Variants in SLC1A2 observed in about 807,000 individuals in gnomAD.
The protein encoded by SLC1A2 is excitatory amino acid transporter 2.
Under a neutral mutation model 48.8 loss-of-function variants are expected in SLC1A2, and 15 were observed. That is an observed-to-expected ratio of 0.31 (90% CI 0.21 to 0.47). The LOEUF (loss-of-function observed/expected upper bound fraction) is 0.47. Ranked by LOEUF, SLC1A2 falls within the 20% of genes least tolerant of loss-of-function variation. The pLI is 0.99. For missense variants in SLC1A2, 502 were observed against 730.5 expected (o/e 0.69, Z 3.61); for synonymous variants, 279 against 272.6 (o/e 1.02, Z -0.23).
At chr11:35,279,444 C>T (rs143622241) in intron 9 of SLC1A2, among the ~76,000 whole-genome samples, 3 of 152,332 alleles carry the variant, frequency 2.0e-5, no homozygotes, top group East Asian at 1.9e-4. Flanking sequence ...TGAGGATGTC[C>T]GTCTTGCTCA....
upstream of SLC1A2, chr11:35,419,767 G>A: frequency 3.6e-6 from 1 of 278,710 alleles, no homozygotes. The surrounding 1 kb of genome is among the most constrained non-coding windows in gnomAD (Gnocchi z 5.4). Context: ...TGAAGCCCGC[G>A]TGGCCCCAGG....
rs770148129 is a variant in SLC1A2 at position 35,274,159 on chromosome 11, C to T, written c.1421+6708G>A. Among the ~76,000 whole-genome samples, 108 of 152,342 alleles carry T rather than the reference C, an allele frequency of 7.1e-4. 2 individuals carry two copies. The highest frequency in any genetic ancestry group is 3.4e-3 in the Middle Eastern group (1 of 294). ...CAGTGAAATAACACTTGAGATTCAA[C>T]AGTCGATGAAGGGGAGACGACTTCT... On this transcript the variant is annotated intron_variant, in intron 9 of 10. Coordinates refer to ENST00000278379, the MANE Select transcript of SLC1A2 (RefSeq NM_004171.4).
At chr11:35,323,894 T>C (rs1478059313) in intron 1 of SLC1A2, among the ~76,000 whole-genome samples, 1 of 152,216 alleles carries the variant, frequency 6.6e-6, no homozygotes, top group African/African-American at 2.4e-5. Context: ...TCCTCATCCA[T>C]CCTTCACCCA....
At chr11:35,367,168 T>A (rs1227330213) in intron 1 of SLC1A2, among the ~76,000 whole-genome samples, 1 of 152,226 alleles carries the variant, frequency 6.6e-6, no homozygotes, top group African/African-American at 2.4e-5. Context: ...TTCTTTGTAA[T>A]GCATGGTGCT....
intron 1 of SLC1A2, among the ~76,000 whole-genome samples, chr11:35,383,230 A>T (rs1204360057): frequency 2.6e-5 from 4 of 152,230 alleles, no homozygotes; most frequent in Non-Finnish European, 5.9e-5. Context: ...TGTTAGTTTG[A>T]CACAAATTTA....
intron 1 of SLC1A2, among the ~76,000 whole-genome samples, chr11:35,411,179 C>T (rs1012176864): frequency 2.6e-5 from 4 of 152,146 alleles, no homozygotes; most frequent in African/African-American, 9.7e-5. Context: ...GTCTATAATT[C>T]CATTACTCTC....
At chr11:35,307,539 A>G (rs1196243001) in intron 4 of SLC1A2, among the ~76,000 whole-genome samples, 1 of 152,208 alleles carries the variant, frequency 6.6e-6, no homozygotes, top group Non-Finnish European at 1.5e-5. Context: ...TTAAAATAGA[A>G]CTCAATGCAG....
chr11:35,359,165 A>T (rs1338100876), intron 1 of SLC1A2, among the ~76,000 whole-genome samples: 2 of 152,202 alleles, frequency 1.3e-5, no homozygotes, highest in African/African-American at 4.8e-5. Context: ...CTATCACACA[A>T]CAGGGAAATG....
intron 9 of SLC1A2, among the ~76,000 whole-genome samples, chr11:35,271,984 G>A (rs1347837251): frequency 6.6e-6 from 1 of 152,186 alleles, no homozygotes; most frequent in East Asian, 1.9e-4. Context: ...GAGACATTAT[G>A]TATAATCAGC....
intron 8 of SLC1A2, among the ~76,000 whole-genome samples, chr11:35,282,924 T>A (rs1850688421): frequency 6.6e-6 from 1 of 152,118 alleles, no homozygotes; most frequent in African/African-American, 2.4e-5. Flanking sequence ...TCTTGGGCAG[T>A]GATTTTCCCT....
chr11:35,352,950 G>T (rs1331961133), intron 1 of SLC1A2, among the ~76,000 whole-genome samples: 1 of 152,142 alleles, frequency 6.6e-6, no homozygotes, highest in Non-Finnish European at 1.5e-5. Context: ...GACAACCAGA[G>T]ACCTCAATAT....
rs950852308 is a variant in SLC1A2, at chr11:35,419,221, G to A, written c.-255C>T. On this transcript the variant is annotated 5_prime_UTR_variant, in exon 1 of 11. Coordinates refer to ENST00000278379, the MANE Select transcript of SLC1A2 (RefSeq NM_004171.4). This position sits in a 1 kb window ranked among gnomAD's most constrained non-coding sequence, Gnocchi z 5.4. ...CCCTCCGCCCGCGGGGATGGCGCTT[G>A]GCGGGGAGCTCCGGGGGCTCCGAGG... The A allele has an allele frequency of 9.2e-6, 4 of 433,778 alleles. No individual in the cohort carries two copies. Among genetic ancestry groups the A allele is most frequent in the African/African-American group, 2.1e-5 (1 of 48,294 alleles). The allele number at this position is 433,778 out of a possible 1,614,324, so 26.9% of individuals were successfully genotyped here. A position where few individuals can be genotyped will look rare whatever the true frequency, so the allele number is the denominator to read the frequency against.
intron 4 of SLC1A2, among the ~76,000 whole-genome samples, chr11:35,308,882 T>C (rs1310401348): frequency 6.6e-6 from 1 of 152,170 alleles, no homozygotes; most frequent in Admixed American, 6.5e-5. Flanking sequence ...AGTCTATAGG[T>C]AAGTGTGGCT....
chr11:35,409,900 C>T, intron 1 of SLC1A2, among the ~76,000 whole-genome samples: 1 of 152,076 alleles, frequency 6.6e-6, no homozygotes, highest in Non-Finnish European at 1.5e-5. Context: ...CAGAGCAAGG[C>T]TCTGTCTCAA....
Position 35,252,308 on chromosome 11 carries a change from T to C in SLC1A2, c.*8586A>G, listed in dbSNP as rs1448603775. 6.6e-6 allele frequency: 1 copy of C among 152,482 alleles called. No individual in the cohort carries two copies. Among genetic ancestry groups the C allele is most frequent in the Non-Finnish European group, 1.5e-5 (1 of 68,038 alleles). The allele number at this position is 152,482 out of a possible 1,614,324, so 9.4% of individuals were successfully genotyped here. A position where few individuals can be genotyped will look rare whatever the true frequency, so the allele number is the denominator to read the frequency against. On this transcript the variant is annotated 3_prime_UTR_variant, in exon 11 of 11. Coordinates refer to ENST00000278379, the MANE Select transcript of SLC1A2 (RefSeq NM_004171.4). ...ATGAGTATTTGGCAACCAGAGAGGC[T>C]GACCTTTCTCTAAAGACATGATGCT... is the stretch of plus-strand genomic sequence containing the variant.
At chr11:35,298,066 CA>C (rs1173316948) in intron 6 of SLC1A2, 1 of 152,248 alleles carries the variant, frequency 6.6e-6, no homozygotes. Context: ...AGCTCCATAA[CA>C]CTGGGCAAGT....
At chr11:35,413,483 G>A (rs990841129) in intron 1 of SLC1A2, among the ~76,000 whole-genome samples, 10 of 152,156 alleles carry the variant, frequency 6.6e-5, no homozygotes, top group Admixed American at 5.2e-4. Flanking sequence ...AAAGCCAACT[G>A]GGATATAATC....
At chr11:35,348,076 G>A (rs1853105165) in intron 1 of SLC1A2, among the ~76,000 whole-genome samples, 1 of 152,206 alleles carries the variant, frequency 6.6e-6, no homozygotes, top group African/African-American at 2.4e-5. Flanking sequence ...TCTTATTCAT[G>A]GAAAGTGCCC....
chr11:35,416,285 C>T (rs765284596), intron 1 of SLC1A2, among the ~76,000 whole-genome samples: 1 of 152,204 alleles, frequency 6.6e-6, no homozygotes, highest in Non-Finnish European at 1.5e-5. Context: ...CAGTAATCTG[C>T]ACCAGCCATG....
Sources: gnomAD v4.1 joint callset for allele counts (sites outside exome capture counted in the v4.1 genomes callset) on GRCh38, gnomAD v4.1.1 for gene constraint, Gnocchi (gnomAD v3.1) non-coding constraint, MANE v1.5 for transcripts, NCBI Gene and HGNC (gene_info 2026-07-23, HGNC 2026-07-21) for gene names.